The following SLC28A2 variants were observed in gnomAD, a reference collection of about 807,000 sequenced individuals.
SLC28A2 encodes the protein sodium/nucleoside cotransporter 2.
In SLC28A2, 69 loss-of-function variants were observed where a neutral mutation model predicts 72.9. The ratio of observed to expected loss-of-function variants is 0.95; its 90% CI spans 0.78 to 1.16. The LOEUF (loss-of-function observed/expected upper bound fraction) is 1.16. Among genes scored for constraint, SLC28A2 ranks in the 50% most tolerant of loss-of-function variants. SLC28A2 has a pLI of 0.00. For missense variants in SLC28A2, 745 were observed against 791.1 expected, an observed-to-expected ratio of 0.94 and a Z score of 0.70; for synonymous variants, 296 against 294.1, an observed-to-expected ratio of 1.01 and a Z score of -0.07.
At chr15:45,262,704 T>A (rs1595674898) in intron 4 of SLC28A2, among the ~76,000 whole-genome samples, 1 of 152,126 alleles carries the variant, frequency 6.6e-6, no homozygotes, top group African/African-American at 2.4e-5. Flanking sequence ...GGTAATAAAG[T>A]TTCAAGGGGA....
At chr15:45,265,740 C>A (rs1362851777) in intron 9 of SLC28A2, 77 bp downstream of exon 9, 2 of 979,736 alleles carry the variant, frequency 2.0e-6, no homozygotes, top group East Asian at 2.4e-5. Flanking sequence ...ATGCCCATAG[C>A]TAAGGTCTAG....
chr15:45,270,870 T>C (rs945664845), intron 15 of SLC28A2, among the ~76,000 whole-genome samples: 1 of 152,150 alleles, frequency 6.6e-6, no homozygotes, highest in African/African-American at 2.4e-5. Context: ...ATTCCTGGCC[T>C]CAAGTGATCT....
At chr15:45,259,489 AAAG>A (rs1900081671) in intron 3 of SLC28A2, among the ~76,000 whole-genome samples, 1 of 152,160 alleles carries the variant, frequency 6.6e-6, no homozygotes, top group Non-Finnish European at 1.5e-5. Flanking sequence ...TCAATTTTAA[AAAG>A]AAGTACAAAA....
At chr15:45,268,405 C>G in intron 13 of SLC28A2, 27 bp downstream of exon 13, 4 of 1,553,990 alleles carry the variant, frequency 2.6e-6, no homozygotes, top group Non-Finnish European at 3.5e-6. Context: ...GTTGGGCTGT[C>G]CCTCTGGGAT....
At chr15:45,264,840 G>C (rs997636634) in intron 7 of SLC28A2, 72 bp downstream of exon 7, 58 of 957,214 alleles carry the variant, frequency 6.1e-5, no homozygotes, top group Non-Finnish European at 9.6e-5. Flanking sequence ...AGGAGCATGA[G>C]AAGATTAGGC....
chr15:45,263,013 T>G lies in SLC28A2; in HGVS notation c.263-48T>G, dbSNP rs1397366667. ...TCATGACTGGAGTTTCATTTGCCCA[T>G]TGGAAGCACTGCCTTGCTGATCTTT... On this transcript the variant is annotated intron_variant, in intron 4 of 17. Coordinates refer to ENST00000347644, the MANE Select transcript of SLC28A2 (RefSeq NM_004212.4). The G allele has an allele frequency of 4.6e-6, 7 of 1,517,844 alleles. No homozygotes were observed. In the Admixed American group the frequency reaches 1.3e-4, roughly 28 times the overall value. The allele number at this position is 1,517,844 out of a possible 1,614,324, so 94.0% of individuals were successfully genotyped here.
rs781420040 is a variant in SLC28A2 at position 45,263,239 on chromosome 15, G to A, written c.441G>A (p.Thr147=). Residue 147 remains threonine (T), a synonymous_variant, in exon 5 of 18, where the codon ACG becomes ACA. Coordinates refer to ENST00000347644, the MANE Select transcript of SLC28A2 (RefSeq NM_004212.4). ...PFENSRLRLW[T]KWVFAGVSLV... Reference sequence around the variant, plus strand: ...AAAACTCCCGCCTGAGGCTTTGGACGAAATGGTAAGATAAGAATCTCAATA... The same window carrying A: ...AAAACTCCCGCCTGAGGCTTTGGACAAAATGGTAAGATAAGAATCTCAATA... 43 of 1,612,936 alleles carry A rather than the reference G, an allele frequency of 2.7e-5. No homozygotes were observed. The highest frequency in any genetic ancestry group is 1.6e-4 in the Middle Eastern group (1 of 6,070).
At position 45,268,218 on chromosome 15, in the gene SLC28A2, G is replaced by A; in HGVS notation, c.1208G>A (p.Arg403Lys). Residue 403 changes from arginine (R) to lysine (K), a missense_variant, in exon 13 of 18, where the codon AGG (arginine) becomes AAG (lysine). Arg to Lys is a conservative substitution (Grantham distance 26). Coordinates refer to ENST00000347644, the MANE Select transcript of SLC28A2 (RefSeq NM_004212.4). Reference sequence around the variant, plus strand: ...CTGCCCAATAACCACAGGAAGGAGAGGAATGTCCTGGAAGCTGCCAGCAAC... The same window carrying A: ...CTGCCCAATAACCACAGGAAGGAGAAGAATGTCCTGGAAGCTGCCAGCAAC... ...EGVKLPRGKE[R>K]NVLEAASNGA... is the part of the protein sequence containing the mutation. 5 of 1,601,980 alleles carry A rather than the reference G, an allele frequency of 3.1e-6. No homozygotes were observed. Among genetic ancestry groups the A allele is most frequent in the African/African-American group, 1.3e-5 (1 of 74,870 alleles).
At chr15:45,257,843 G>T (rs1176566155) in intron 3 of SLC28A2, among the ~76,000 whole-genome samples, 1 of 152,222 alleles carries the variant, frequency 6.6e-6, no homozygotes. Flanking sequence ...CACTGACACA[G>T]TTCTGAGTAC....
At position 45,265,111 on chromosome 15, in the gene SLC28A2, C is replaced by T. The variant is rs1189806046; in HGVS notation, c.725C>T (p.Ala242Val). The T allele has an allele frequency of 6.2e-7, 1 of 1,612,606 alleles. No individual in the cohort carries two copies. Among genetic ancestry groups the T allele is most frequent in the Non-Finnish European group, 8.5e-7 (1 of 1,178,860 alleles). Reference sequence around the variant, plus strand: ...CAGATTTTCCTGAACTACACTGTGGCCGGCTCCAGTTTTGTCTTTGGGGAT... The same window carrying T: ...CAGATTTTCCTGAACTACACTGTGGTCGGCTCCAGTTTTGTCTTTGGGGAT... ...QVQIFLNYTV[A>V]GSSFVFGDTL... Residue 242 changes from alanine to valine, a missense_variant, in exon 8 of 18, where the codon GCC (alanine) becomes GTC (valine). By Grantham distance (64) the Ala-to-Val change is moderately conservative. Coordinates refer to ENST00000347644, the MANE Select transcript of SLC28A2 (RefSeq NM_004212.4).
intron 3 of SLC28A2, among the ~76,000 whole-genome samples, chr15:45,257,418 C>A (rs1900010170): frequency 6.6e-6 from 1 of 152,170 alleles, no homozygotes; most frequent in African/African-American, 2.4e-5. Flanking sequence ...AGATCAATGT[C>A]TATTTCATCC....
intron 17 of SLC28A2, 144 bp downstream of exon 17, chr15:45,272,928 C>T (rs1277583462): frequency 1.2e-5 from 7 of 578,536 alleles, no homozygotes; most frequent in Non-Finnish European, 2.2e-5. Context: ...TTGGGTGCAT[C>T]TTCATTATTA....
chr15:45,262,999 G>C (rs930543126), intron 4 of SLC28A2, 62 bp from the exon 5 acceptor site: 10 of 1,434,596 alleles, frequency 7.0e-6, no homozygotes, highest in Non-Finnish European at 9.6e-6. Flanking sequence ...CATGACTGGA[G>C]TTTCATTTGC....
At chr15:45,274,523 A>T (rs1293249247) in intron 17 of SLC28A2, among the ~76,000 whole-genome samples, 2 of 151,924 alleles carry the variant, frequency 1.3e-5, no homozygotes, top group African/African-American at 2.4e-5. Flanking sequence ...AAACAAATAA[A>T]GATTTGGAAG....
chr15:45,258,880 T>C (rs1900060992), intron 3 of SLC28A2, among the ~76,000 whole-genome samples: 1 of 152,260 alleles, frequency 6.6e-6, no homozygotes, highest in Non-Finnish European at 1.5e-5. Flanking sequence ...ATTGCCATGC[T>C]ATAGGGTATG....
chr15:45,258,902 G>A (rs1448774759), intron 3 of SLC28A2, among the ~76,000 whole-genome samples: 4 of 152,194 alleles, frequency 2.6e-5, no homozygotes, highest in African/African-American at 9.7e-5. Flanking sequence ...GTAGGTTTAT[G>A]TAGCTTTAAC....
chr15:45,263,739 A>T, intron 5 of SLC28A2, 142 bp from the exon 6 acceptor site: 1 of 719,362 alleles, frequency 1.4e-6, no homozygotes, highest in Non-Finnish European at 2.2e-6. Context: ...ACTGGCGTCT[A>T]CAGCAGCCAC....
chr15:45,260,411 A>G (rs1403362436), intron 3 of SLC28A2, among the ~76,000 whole-genome samples: 1 of 152,230 alleles, frequency 6.6e-6, no homozygotes, highest in Non-Finnish European at 1.5e-5. Context: ...GAAGGCCAGG[A>G]TTGAAATTAA....
intron 8 of SLC28A2, among the ~76,000 whole-genome samples, 155 bp downstream of exon 8, chr15:45,265,321 A>G (rs1900298413): frequency 6.6e-6 from 1 of 152,218 alleles, no homozygotes; most frequent in Non-Finnish European, 1.5e-5. Context: ...AATGGCATCT[A>G]TCTTCTTCCC....
Sources: gnomAD v4.1 joint callset for allele counts (sites outside exome capture counted in the v4.1 genomes callset) on GRCh38, gnomAD v4.1.1 for gene constraint, MANE v1.5 for transcripts, NCBI Gene and HGNC (gene_info 2026-07-23, HGNC 2026-07-21) for gene names.